HMGCL: variants seen among roughly 807,000 people sequenced by gnomAD.
HMGCL encodes hydroxymethylglutaryl-CoA lyase, mitochondrial.
A neutral mutation model predicts 37.3 loss-of-function variants in HMGCL; 26 were observed. The ratio of observed to expected loss-of-function variants is 0.70; its 90% CI spans 0.51 to 0.97. The LOEUF (loss-of-function observed/expected upper bound fraction) is 0.97. Ranked by LOEUF, HMGCL falls within the 50% of genes least tolerant of loss-of-function variation. The probability of loss-of-function intolerance (pLI) is 0.00; values close to 1 mark genes in which losing one functional copy is unlikely to be tolerated. For missense variants in HMGCL, 379 were observed against 398.1 expected, an observed-to-expected ratio of 0.95 and a Z score of 0.41; for synonymous variants, 151 against 148.0, an observed-to-expected ratio of 1.02 and a Z score of -0.15.
rs766648383 is a variant in HMGCL, at chr1:23,814,189, C to G, written c.497+1G>C. 1 of 1,613,496 alleles carries G rather than the reference C, an allele frequency of 6.2e-7. No individual in the cohort carries two copies. Among genetic ancestry groups the G allele is most frequent in the Non-Finnish European group, 8.5e-7 (1 of 1,179,904 alleles). ...AAGGATACCAATGTGCTCTGACTCACCCCCGCACAGAAATATTGGCTGACT... is the reference window on the plus strand; with the variant it reads ...AAGGATACCAATGTGCTCTGACTCAGCCCCGCACAGAAATATTGGCTGACT... On this transcript the variant is annotated splice_donor_variant, in intron 5 of 8. Transcript: ENST00000374490. LOFTEE classifies it high-confidence loss of function.
chr1:23,814,047 A>T lies in HMGCL; in HGVS notation c.497+143T>A, dbSNP rs1021714345. 10 of 892,264 alleles carry T rather than the reference A, an allele frequency of 1.1e-5. No homozygotes were observed. In the East Asian group the frequency reaches 1.7e-4, roughly 16 times the overall value. 55.3% of individuals were successfully genotyped at this position (892,264 alleles called of 1,614,324 possible). The stretch of plus-strand genomic sequence containing the variant: ...CCTAGGATTTCTTCTGACCACACTT[A>T]TTTGGGAAAAGATGTCTAGGTGTGG... On this transcript the variant is annotated intron_variant, in intron 5 of 8. Transcript: ENST00000374490.
At chr1:23,823,924 C>A (rs1457810672) in intron 1 of HMGCL, among the ~76,000 whole-genome samples, 2 of 130,086 alleles carry the variant, frequency 1.5e-5, no homozygotes, top group Non-Finnish European at 1.6e-5. Flanking sequence ...ATTAAGTAAT[C>A]TTCCCGAGGT....
chr1:23,810,741 C>G lies in HMGCL; in HGVS notation c.556G>C (p.Ala186Pro). The part of the protein sequence containing the change: ...YEGKISPAKV[A>P]EVTKKFYSMG... ...GCCCTGACACATGCACACACCTCAG[C>G]TACTTTAGCTGGGGAGATCTTCCCT... The change falls in exon 6 of 9, where the codon GCT (alanine) becomes CCT (proline). Residue 186 changes from alanine to proline, a missense_variant. By Grantham distance (27) the Ala-to-Pro change is conservative. Transcript: ENST00000374490. 1 of 1,614,016 alleles carries G rather than the reference C, an allele frequency of 6.2e-7. No individual in the cohort carries two copies. Among genetic ancestry groups the G allele is most frequent in the Non-Finnish European group, 8.5e-7 (1 of 1,179,906 alleles).
chr1:23,806,996 G>T lies in HMGCL; in HGVS notation c.750+1139C>A, dbSNP rs759161020. On this transcript the variant is annotated intron_variant, in intron 7 of 8. Coordinates refer to ENST00000374490, the MANE Select transcript of HMGCL (RefSeq NM_000191.3). This position sits in a 1 kb window ranked among gnomAD's most constrained non-coding sequence, Gnocchi z 4.0. The stretch of plus-strand genomic sequence containing the variant: ...CCGAAGTAACTGATGGAAGAGGGAG[G>T]TCAGAGGAAGCTACTGCCAGACGTC... 1 of 518,854 alleles carries T rather than the reference G, an allele frequency of 1.9e-6. No homozygotes were observed. The highest frequency in any genetic ancestry group is 1.9e-5 in the African/African-American group (1 of 51,956). The allele number at this position is 518,854 out of a possible 1,614,324, so 32.1% of individuals were successfully genotyped here.
chr1:23,825,373 A>G lies in HMGCL; in HGVS notation c.43T>C (p.Leu15=). Residue 15 remains leucine (L), a synonymous_variant, in exon 1 of 9, where the codon TTG becomes CTG. Transcript: ENST00000374490. ...GCACTTACAGCCCGGAGGGACGCCA[A>G]GCCCACCAGTCGCCGCGGAAGCGCC... is the stretch of plus-strand genomic sequence containing the variant. ...RKALPRRLVG[L]ASLRAVSTSS... is the part of the protein sequence containing the mutation. The G allele has an allele frequency of 6.4e-7, 1 of 1,561,284 alleles. No individual in the cohort carries two copies. The highest frequency in any genetic ancestry group is 8.7e-7 in the Non-Finnish European group (1 of 1,153,478).
Position 23,802,277 on chromosome 1 carries a change from G to A in HMGCL, c.*186C>T. On this transcript the variant is annotated 3_prime_UTR_variant, in exon 9 of 9. Coordinates refer to ENST00000374490, the MANE Select transcript of HMGCL (RefSeq NM_000191.3). The stretch of plus-strand genomic sequence containing the variant: ...TCTCACTCCTCAGGTCTGGGCAGGA[G>A]GTCCTTCTGCCAAGCAGCTCCTCCT... The A allele has an allele frequency of 1.6e-6, 1 of 630,306 alleles. No homozygotes were observed. The highest frequency in any genetic ancestry group is 1.8e-5 in the African/African-American group (1 of 54,934). The allele number at this position is 630,306 out of a possible 1,614,324, so 39.0% of individuals were successfully genotyped here.
At chr1:23,814,359 T>C (rs753166378) in intron 4 of HMGCL, 21 bp from the exon 5 acceptor site, 1 of 1,611,956 alleles carries the variant, frequency 6.2e-7, no homozygotes, top group African/African-American at 1.3e-5. Context: ...CCAGGTGAAC[T>C]CCTTTCAGCA....
At chr1:23,814,133 G>A (rs1638571401) in intron 5 of HMGCL, 57 bp downstream of exon 5, 2 of 1,596,558 alleles carry the variant, frequency 1.3e-6, no homozygotes, top group South Asian at 1.1e-5. Context: ...TTGAGTCAGA[G>A]TCTAGCCCCA....
At chr1:23,816,591 A>C in intron 4 of HMGCL, 84 bp downstream of exon 4, 1 of 870,272 alleles carries the variant, frequency 1.1e-6, no homozygotes, top group Non-Finnish European at 2.0e-6. Flanking sequence ...ATCCCAGGAC[A>C]GGGGACTGAG....
intron 8 of HMGCL, chr1:23,804,145 G>T: frequency 1.8e-6 from 1 of 552,384 alleles, no homozygotes; most frequent in Non-Finnish European, 3.3e-6. Flanking sequence ...GGGTCTTGCT[G>T]TTTCACCCAG....
At chr1:23,802,630 G>T in intron 8 of HMGCL, 66 bp from the exon 9 acceptor site, 1 of 1,015,598 alleles carries the variant, frequency 9.8e-7, no homozygotes, top group Non-Finnish European at 1.6e-6. Flanking sequence ...GAAAACATCA[G>T]CATGGACAGA....
chr1:23,810,056 G>A (rs1367091474), intron 6 of HMGCL: 1 of 154,958 alleles, frequency 6.5e-6, no homozygotes, highest in Admixed American at 6.3e-5. Flanking sequence ...TTGGTCATAC[G>A]GCAAGGATTG....
intron 2 of HMGCL, 114 bp from the exon 3 acceptor site, chr1:23,817,697 T>C: frequency 2.8e-6 from 2 of 725,046 alleles, no homozygotes; most frequent in Non-Finnish European, 5.0e-6. Flanking sequence ...ATGCAGCTTC[T>C]CACCTGAAAA....
intron 2 of HMGCL, among the ~76,000 whole-genome samples, chr1:23,818,864 AGCCCTCCATGTTGCAG>A (rs1174125306): frequency 6.6e-6 from 1 of 151,998 alleles, no homozygotes; most frequent in African/African-American, 2.4e-5. Context: ...AATTTTTGAA[AGCCCTCCATGTTGCAG>A]GCATTGTGCT....
Position 23,806,833 on chromosome 1 carries a change from T to TA in HMGCL, c.750+1301dup. On this transcript the variant is annotated intron_variant, in intron 7 of 8. Transcript: ENST00000374490. This position sits in a 1 kb window ranked among gnomAD's most constrained non-coding sequence, Gnocchi z 4.0. ...GTTTTAATAGGTGAATAAATGGTCT[T>TA]ACAATGTGCTATTTACACGCCTGTA... is the stretch of plus-strand genomic sequence containing the variant. 1 of 402,530 alleles carries TA rather than the reference T, an allele frequency of 2.5e-6. No homozygotes were observed. The highest frequency in any genetic ancestry group is 4.9e-6 in the Non-Finnish European group (1 of 202,124). 24.9% of individuals were successfully genotyped at this position (402,530 alleles called of 1,614,324 possible).
chr1:23,825,382 G>A lies in HMGCL; in HGVS notation c.34C>T (p.Leu12=), dbSNP rs2148428443. The A allele has an allele frequency of 6.4e-7, 1 of 1,562,128 alleles. No homozygotes were observed. The highest frequency in any genetic ancestry group is 8.7e-7 in the Non-Finnish European group (1 of 1,153,870). Residue 12 remains leucine (L), a synonymous_variant, in exon 1 of 9, where the codon CTG becomes TTG. Transcript: ENST00000374490. ...GCCCGGAGGGACGCCAAGCCCACCA[G>A]TCGCCGCGGAAGCGCCTTCCTCATT... ...AAMRKALPRR[L]VGLASLRAVS...
In HMGCL at chr1:23,816,663, C is replaced by G; in HGVS notation, c.348+12G>C. The G allele has an allele frequency of 1.9e-6, 3 of 1,538,484 alleles. No individual in the cohort carries two copies. Among genetic ancestry groups the G allele is most frequent in the Non-Finnish European group, 2.7e-6 (3 of 1,111,022 alleles). On this transcript the variant is annotated intron_variant, in intron 4 of 8. Coordinates refer to ENST00000374490, the MANE Select transcript of HMGCL (RefSeq NM_000191.3). ...CATTTCAGGAGCCCCCACCAACAAG[C>G]TATCCTCTTACCGCTGCCTCGAAGC... is the stretch of plus-strand genomic sequence containing the variant.
At chr1:23,805,077 G>A (rs973506390) in intron 7 of HMGCL, among the ~76,000 whole-genome samples, 4 of 151,974 alleles carry the variant, frequency 2.6e-5, no homozygotes, top group Non-Finnish European at 4.4e-5. Flanking sequence ...GGAAATGGAT[G>A]CAATCAAGAG....
At chr1:23,804,876 A>ACCC (rs138996016) in intron 7 of HMGCL, among the ~76,000 whole-genome samples, 1 of 61,342 alleles carries the variant, frequency 1.6e-5, no homozygotes, top group African/African-American at 6.9e-5. Context: ...TTCATTTATT[A>ACCC]CCCCCCCCCC....
Sources: allele counts gnomAD v4.1 joint callset (sites outside exome capture counted in the v4.1 genomes callset), GRCh38; gene constraint gnomAD v4.1.1; non-coding constraint Gnocchi (gnomAD v3.1); transcripts MANE v1.5; gene names NCBI Gene and HGNC (gene_info 2026-07-23, HGNC 2026-07-21).